The following DLC1 variants were observed in gnomAD, a reference collection of about 807,000 sequenced individuals.
DLC1 encodes DLC1 Rho GTPase activating protein.
In DLC1, 54 loss-of-function variants were observed where a neutral mutation model predicts 140.3. The observed-to-expected ratio is 0.38, with a 90% CI of 0.31 to 0.48. The LOEUF (loss-of-function observed/expected upper bound fraction) is 0.48, where lower values mean the gene tolerates loss of function less well. DLC1 is among the 20% of genes least tolerant of loss of function. The pLI is 0.96. For synonymous variants in DLC1, 986 were observed against 728.1 expected (o/e 1.35, Z -5.70); for missense variants, 2,536 against 1,907.0 (o/e 1.33, Z -6.14).
chr8:13,362,042 C>T (rs1436390296), intron 4 of DLC1, among the ~76,000 whole-genome samples: 3 of 152,148 alleles, frequency 2.0e-5, no homozygotes, highest in East Asian at 1.9e-4. Context: ...TAGATGTCAA[C>T]CACTAAACTT....
In DLC1 at chr8:13,294,188, C is replaced by T. The variant is rs1455820258; in HGVS notation, c.1348+11081G>A. Among the ~76,000 whole-genome samples, 9 of 152,298 alleles carry T rather than the reference C, an allele frequency of 5.9e-5. No homozygotes were observed. In the South Asian group the frequency reaches 1.2e-3, roughly 21 times the overall value. ...AGTTTGGCTTCATCAGAATATCATA[C>T]AGTTTGAACTATACTTTCTGGTTAG... is the stretch of plus-strand genomic sequence containing the variant. On this transcript the variant is annotated intron_variant, in intron 5 of 17. Transcript: ENST00000276297.
chr8:13,120,869 C>T (rs1821004440), intron 5 of DLC1, among the ~76,000 whole-genome samples: 1 of 152,104 alleles, frequency 6.6e-6, no homozygotes, highest in Non-Finnish European at 1.5e-5. Flanking sequence ...CTTCCCATCA[C>T]TCCTCAACAG....
chr8:13,135,166 T>C (rs1470014725), intron 5 of DLC1, among the ~76,000 whole-genome samples: 1 of 151,400 alleles, frequency 6.6e-6, no homozygotes, highest in African/African-American at 2.4e-5. Flanking sequence ...CGTGACTATG[T>C]TAAGGAAAGT....
chr8:13,187,984 A>G (rs1826484627), intron 5 of DLC1, among the ~76,000 whole-genome samples: 1 of 152,144 alleles, frequency 6.6e-6, no homozygotes, highest in African/African-American at 2.4e-5. Context: ...TTTTAATGGA[A>G]AAGTACTTGT....
At chr8:13,477,231 C>A (rs2117098668) in intron 2 of DLC1, among the ~76,000 whole-genome samples, 1 of 152,144 alleles carries the variant, frequency 6.6e-6, no homozygotes, top group Non-Finnish European at 1.5e-5. Flanking sequence ...TACTAATCCC[C>A]ATTCATTTTT....
intron 1 of DLC1, among the ~76,000 whole-genome samples, chr8:13,524,033 A>G (rs985152922): frequency 6.6e-6 from 1 of 151,548 alleles, no homozygotes; most frequent in Non-Finnish European, 1.5e-5. Context: ...TGAAAATGTC[A>G]GTGGATATTA....
intron 4 of DLC1, among the ~76,000 whole-genome samples, chr8:13,319,062 T>G (rs1051058316): frequency 6.6e-6 from 1 of 152,186 alleles, no homozygotes; most frequent in Non-Finnish European, 1.5e-5. Context: ...GAATTCTTCA[T>G]CAATCAGCAG....
At chr8:13,340,597 C>T (rs1232218137) in intron 4 of DLC1, 2 of 152,138 alleles carry the variant, frequency 1.3e-5, no homozygotes, top group East Asian at 3.9e-4. Context: ...ATTTTTCTTT[C>T]ACAGGCCTAA....
At chr8:13,126,472 G>C (rs542600953) in intron 5 of DLC1, among the ~76,000 whole-genome samples, 1 of 151,910 alleles carries the variant, frequency 6.6e-6, no homozygotes, top group East Asian at 1.9e-4. Flanking sequence ...CAGTAATTTG[G>C]AATAGCTCAT....
At chr8:13,436,355 C>T (rs984260481) in intron 2 of DLC1, among the ~76,000 whole-genome samples, 1 of 152,122 alleles carries the variant, frequency 6.6e-6, no homozygotes, top group Non-Finnish European at 1.5e-5. Context: ...ACACTTTTCT[C>T]GAAAATGACA....
At chr8:13,262,500 C>A (rs1291056978) in intron 5 of DLC1, among the ~76,000 whole-genome samples, 1 of 151,994 alleles carries the variant, frequency 6.6e-6, no homozygotes, top group Non-Finnish European at 1.5e-5. Context: ...CTAAGAAAAT[C>A]TCAAATTCAC....
intron 2 of DLC1, among the ~76,000 whole-genome samples, chr8:13,401,861 G>T (rs1481678): frequency 2.0e-5 from 3 of 152,076 alleles, no homozygotes; most frequent in African/African-American, 7.2e-5. Flanking sequence ...AATGAAAAAA[G>T]AAGTATAACA....
At chr8:13,453,743 T>C (rs1399999749) in intron 2 of DLC1, among the ~76,000 whole-genome samples, 1 of 150,966 alleles carries the variant, frequency 6.6e-6, no homozygotes, top group Non-Finnish European at 1.5e-5. Flanking sequence ...TGAAACTCAA[T>C]AGTACTTTGT....
At chr8:13,114,879 T>A (rs1468077614) in intron 6 of DLC1, among the ~76,000 whole-genome samples, 2 of 152,236 alleles carry the variant, frequency 1.3e-5, no homozygotes, top group Non-Finnish European at 2.9e-5. Flanking sequence ...ATACACAGAT[T>A]GGTAAGAGTG....
At chr8:13,175,542 C>A (rs1825713503) in intron 5 of DLC1, among the ~76,000 whole-genome samples, 1 of 151,974 alleles carries the variant, frequency 6.6e-6, no homozygotes, top group African/African-American at 2.4e-5. Context: ...GTTTTTTAAA[C>A]ACATATTTTA....
intron 1 of DLC1, among the ~76,000 whole-genome samples, chr8:13,550,957 C>T (rs905043972): frequency 1.3e-5 from 2 of 151,916 alleles, no homozygotes; most frequent in Admixed American, 6.6e-5. Flanking sequence ...ATGTTTTTCT[C>T]TTGCAAGAAT....
intron 2 of DLC1, among the ~76,000 whole-genome samples, chr8:13,411,963 C>A (rs1837801612): frequency 6.6e-6 from 1 of 151,884 alleles, no homozygotes; most frequent in African/African-American, 2.4e-5. Flanking sequence ...GAAAAGGAGT[C>A]AAAATTGTAA....
intron 5 of DLC1, among the ~76,000 whole-genome samples, chr8:13,198,107 A>G (rs1827171915): frequency 6.6e-6 from 1 of 150,954 alleles, no homozygotes; most frequent in South Asian, 2.1e-4. Flanking sequence ...CGAAAAAGGA[A>G]AAAAAAAAAT....
intron 1 of DLC1, among the ~76,000 whole-genome samples, chr8:13,573,180 C>G (rs1201113940): frequency 6.6e-6 from 1 of 152,074 alleles, no homozygotes; most frequent in African/African-American, 2.4e-5. Flanking sequence ...TTTTGTGCCT[C>G]CTTTGTTCAA....
Sources: gnomAD v4.1 joint callset for allele counts (sites outside exome capture counted in the v4.1 genomes callset) on GRCh38, gnomAD v4.1.1 for gene constraint, MANE v1.5 for transcripts, NCBI Gene and HGNC (gene_info 2026-07-23, HGNC 2026-07-21) for gene names.